The following DPYD variants were observed in gnomAD, a reference collection of about 807,000 sequenced individuals.
DPYD encodes dihydropyrimidine dehydrogenase [NADP(+)].
DPYD carries 109 observed loss-of-function variants against 116.2 expected under a neutral mutation model. The observed-to-expected ratio is 0.94, with a 90% CI of 0.80 to 1.10. The LOEUF is 1.10. DPYD is among the 50% of genes least tolerant of loss of function. The pLI, the probability that DPYD is intolerant of heterozygous loss-of-function variation, is 0.00. For missense variants in DPYD, 1,302 were observed against 1,254.5 expected, an observed-to-expected ratio of 1.04 and a Z score of -0.57; for synonymous variants, 440 against 432.0, an observed-to-expected ratio of 1.02 and a Z score of -0.23.
At chr1:97,433,214 C>T (rs1675280164) in intron 14 of DPYD, among the ~76,000 whole-genome samples, 1 of 152,100 alleles carries the variant, frequency 6.6e-6, no homozygotes, top group South Asian at 2.1e-4. Flanking sequence ...GGAGGCCCTG[C>T]TTGCCTTAGG....
intron 8 of DPYD, among the ~76,000 whole-genome samples, chr1:97,615,819 CA>C (rs1211464184): frequency 6.6e-6 from 1 of 152,112 alleles, no homozygotes; most frequent in Non-Finnish European, 1.5e-5. Flanking sequence ...CCAACCCCTT[CA>C]GCAATTACAC....
At chr1:97,553,334 G>T (rs1651461940) in intron 11 of DPYD, among the ~76,000 whole-genome samples, 1 of 151,858 alleles carries the variant, frequency 6.6e-6, no homozygotes, top group African/African-American at 2.4e-5. Context: ...CAAGGATTCA[G>T]TGAAAAAATC....
chr1:97,877,068 G>T (rs1671957827), intron 2 of DPYD, among the ~76,000 whole-genome samples: 2 of 152,166 alleles, frequency 1.3e-5, no homozygotes, highest in African/African-American at 4.8e-5. Context: ...GAAAGATGGA[G>T]AATCTGTGAC....
intron 16 of DPYD, among the ~76,000 whole-genome samples, chr1:97,318,008 T>C (rs943521997): frequency 1.3e-5 from 2 of 150,818 alleles, no homozygotes; most frequent in Non-Finnish European, 3.0e-5. Flanking sequence ...AGAAATAAAA[T>C]ACTTTATAGA....
chr1:97,313,213 G>T (rs1269988488), intron 16 of DPYD, among the ~76,000 whole-genome samples: 1 of 151,874 alleles, frequency 6.6e-6, no homozygotes, highest in African/African-American at 2.4e-5. Flanking sequence ...TTGTTGAATT[G>T]ATAGAGCCTA....
intron 14 of DPYD, among the ~76,000 whole-genome samples, chr1:97,444,840 T>C (rs990626249): frequency 1.3e-5 from 2 of 152,066 alleles, no homozygotes; most frequent in African/African-American, 2.4e-5. Flanking sequence ...TGAGAAAACA[T>C]TTAGACTTTT....
intron 4 of DPYD, among the ~76,000 whole-genome samples, chr1:97,735,415 G>A (rs865779489): frequency 6.5e-4 from 98 of 151,444 alleles, no homozygotes; most frequent in African/African-American, 1.8e-3. Context: ...GGTGGCTCAC[G>A]CCTGTAATCC....
chr1:97,448,340 T>C (rs1434848959), intron 14 of DPYD, among the ~76,000 whole-genome samples: 1 of 152,242 alleles, frequency 6.6e-6, no homozygotes. Flanking sequence ...ATTAGGTGTG[T>C]AACGATTGAT....
intron 6 of DPYD, among the ~76,000 whole-genome samples, chr1:97,696,690 A>G (rs911398913): frequency 6.6e-6 from 1 of 152,020 alleles, no homozygotes; most frequent in African/African-American, 2.4e-5. Flanking sequence ...TCTTTCTTCT[A>G]TTTTCATGTT....
chr1:97,333,762 C>T (rs1430946728), intron 16 of DPYD, among the ~76,000 whole-genome samples: 1 of 151,784 alleles, frequency 6.6e-6, no homozygotes, highest in Non-Finnish European at 1.5e-5. Flanking sequence ...CCTCGTGATC[C>T]ACCCGCCTCG....
chr1:97,151,201 A>T (rs1221615491), intron 20 of DPYD, among the ~76,000 whole-genome samples: 1 of 152,224 alleles, frequency 6.6e-6, no homozygotes, highest in Non-Finnish European at 1.5e-5. Flanking sequence ...AATACTTTAC[A>T]TATATTTACA....
At chr1:97,783,886 T>C (rs1222198686) in intron 3 of DPYD, among the ~76,000 whole-genome samples, 2 of 152,200 alleles carry the variant, frequency 1.3e-5, no homozygotes, top group African/African-American at 2.4e-5. Context: ...AGCTTTTCCC[T>C]GAAATCTCTC....
chr1:97,333,657 A>T (rs1669143917), intron 16 of DPYD, among the ~76,000 whole-genome samples: 1 of 148,744 alleles, frequency 6.7e-6, no homozygotes, highest in Non-Finnish European at 1.5e-5. Flanking sequence ...AGTAGCCGGG[A>T]TTACAGGTGC....
At chr1:97,401,074 T>C (rs1673348734) in intron 14 of DPYD, among the ~76,000 whole-genome samples, 1 of 152,092 alleles carries the variant, frequency 6.6e-6, no homozygotes, top group Non-Finnish European at 1.5e-5. Context: ...TGATGTAGAG[T>C]ACCTTTTCAT....
At chr1:97,652,305 T>G (rs989518476) in intron 8 of DPYD, among the ~76,000 whole-genome samples, 2 of 152,132 alleles carry the variant, frequency 1.3e-5, no homozygotes, top group African/African-American at 4.8e-5. Flanking sequence ...TATAAGAACA[T>G]AAAGCTAACA....
intron 18 of DPYD, among the ~76,000 whole-genome samples, chr1:97,253,095 G>C (rs1469261753): frequency 6.6e-6 from 1 of 151,998 alleles, no homozygotes; most frequent in Non-Finnish European, 1.5e-5. Flanking sequence ...CCAAAAAACG[G>C]GCTATCACTC....
chr1:97,670,358 T>C (rs973718602), intron 8 of DPYD, among the ~76,000 whole-genome samples: 1 of 152,146 alleles, frequency 6.6e-6, no homozygotes, highest in Non-Finnish European at 1.5e-5. Flanking sequence ...GCCTTTGGGA[T>C]GTAATTAGTT....
chr1:97,509,968 C>T (rs1647650027), intron 13 of DPYD, among the ~76,000 whole-genome samples: 2 of 151,800 alleles, frequency 1.3e-5, no homozygotes, highest in Admixed American at 6.6e-5. Context: ...ATGATATCAC[C>T]ATGAGTTAGG....
At chr1:97,503,074 T>C (rs1223861448) in intron 13 of DPYD, among the ~76,000 whole-genome samples, 1 of 152,050 alleles carries the variant, frequency 6.6e-6, no homozygotes, top group Non-Finnish European at 1.5e-5. Context: ...AACCATAATT[T>C]AAAACTTAAG....
Sources: gnomAD v4.1 joint callset for allele counts (sites outside exome capture counted in the v4.1 genomes callset) on GRCh38, gnomAD v4.1.1 for gene constraint, MANE v1.5 for transcripts, NCBI Gene and HGNC (gene_info 2026-07-23, HGNC 2026-07-21) for gene names.